Variants in LIMD1 observed in about 807,000 individuals in gnomAD.
LIMD1 encodes LIM domain-containing protein 1.
LIMD1 carries 23 observed loss-of-function variants against 58.4 expected under a neutral mutation model. The observed-to-expected ratio is 0.39, with a 90% confidence interval of 0.28 to 0.56. The LOEUF (loss-of-function observed/expected upper bound fraction) is 0.56. Ranked by LOEUF, LIMD1 falls within the 20% of genes least tolerant of loss-of-function variation. The probability of loss-of-function intolerance (pLI) is 0.57; values close to 1 mark genes in which losing one functional copy is unlikely to be tolerated. For missense variants in LIMD1, 838 were observed against 855.5 expected (o/e 0.98, Z 0.25); for synonymous variants, 334 against 345.5 (o/e 0.97, Z 0.37).
At position 45,637,570 on chromosome 3, in the gene LIMD1, C is replaced by T. The variant is rs528489877; in HGVS notation, c.1510+1319C>T. 3.3e-5 allele frequency among the ~76,000 whole-genome samples: 5 copies of T among 152,318 alleles called. No individual in the cohort carries two copies. The East Asian group carries it at 9.6e-4, about 29-fold the overall frequency. ...CTGGGATTACAGGCGTGAGCCACTG[C>T]GCCCGCCCAAGTGGGGCAAGTGTAT... is the stretch of plus-strand genomic sequence containing the variant. On this transcript the variant is annotated intron_variant, in intron 2 of 7. Transcript: ENST00000273317.
chr3:45,607,013 C>T (rs951964994), intron 1 of LIMD1, among the ~76,000 whole-genome samples: 1 of 152,108 alleles, frequency 6.6e-6, no homozygotes, highest in East Asian at 1.9e-4. Context: ...AGGCAGGTCT[C>T]GAACTCCTGA....
At chr3:45,655,598 G>A (rs1436252523) in intron 2 of LIMD1, among the ~76,000 whole-genome samples, 1 of 152,128 alleles carries the variant, frequency 6.6e-6, no homozygotes, top group Non-Finnish European at 1.5e-5. Flanking sequence ...CATCACTAGG[G>A]AACTTAACTA....
At chr3:45,602,237 T>C (rs187988823) in intron 1 of LIMD1, among the ~76,000 whole-genome samples, 512 of 152,286 alleles carry the variant, frequency 3.4e-3, no homozygotes, top group South Asian at 6.4e-3. Context: ...CGTGAGCCAC[T>C]GCGCCCGGCC....
At chr3:45,650,701 G>A (rs1179173126) in intron 2 of LIMD1, among the ~76,000 whole-genome samples, 1 of 152,070 alleles carries the variant, frequency 6.6e-6, no homozygotes, top group Non-Finnish European at 1.5e-5. Flanking sequence ...ATTCCGTGGT[G>A]TATATGTTCC....
At chr3:45,654,453 CT>C (rs1702005260) in intron 2 of LIMD1, among the ~76,000 whole-genome samples, 2 of 152,134 alleles carry the variant, frequency 1.3e-5, no homozygotes, top group Non-Finnish European at 2.9e-5. Context: ...GTCCTTAACT[CT>C]TGTTTCCTTT....
chr3:45,673,897 A>C (rs571616946), intron 6 of LIMD1: 3 of 258,772 alleles, frequency 1.2e-5, no homozygotes, highest in Admixed American at 9.7e-5. Flanking sequence ...AAAAAAAAAA[A>C]ACCAAAAAAA....
intron 1 of LIMD1, among the ~76,000 whole-genome samples, chr3:45,600,284 A>G (rs533930645): frequency 1.3e-5 from 2 of 152,252 alleles, no homozygotes; most frequent in East Asian, 1.9e-4. Context: ...GCCCCTTCCT[A>G]GGTTGAACTG....
rs983984788 is a variant in LIMD1, at chr3:45,625,248, G to A, written c.1409-10902G>A. ...AAGTTTCTACCCATTTAAACCATTTGAGAACCACTGTTGTGCACAGAGAAA... is the reference window on the plus strand; with the variant it reads ...AAGTTTCTACCCATTTAAACCATTTAAGAACCACTGTTGTGCACAGAGAAA... On this transcript the variant is annotated intron_variant, in intron 1 of 7. Coordinates refer to ENST00000273317, the MANE Select transcript of LIMD1 (RefSeq NM_014240.3). Among the ~76,000 whole-genome samples, 3 of 152,172 alleles carry A rather than the reference G, an allele frequency of 2.0e-5. No homozygotes were observed. In the South Asian group the frequency reaches 6.2e-4, roughly 32 times the overall value.
At chr3:45,649,563 C>T (rs966414853) in intron 2 of LIMD1, among the ~76,000 whole-genome samples, 4 of 150,776 alleles carry the variant, frequency 2.7e-5, no homozygotes, top group African/African-American at 9.7e-5. Flanking sequence ...TGCCTGTAGT[C>T]CCAGCTACTG....
At chr3:45,620,721 T>C (rs1701621187) in intron 1 of LIMD1, among the ~76,000 whole-genome samples, 1 of 150,068 alleles carries the variant, frequency 6.7e-6, no homozygotes, top group African/African-American at 2.4e-5. Context: ...AGAGCAAGAC[T>C]CTGTCTCAAA....
chr3:45,625,982 T>C (rs907566411), intron 1 of LIMD1, among the ~76,000 whole-genome samples: 1 of 152,206 alleles, frequency 6.6e-6, no homozygotes, highest in African/African-American at 2.4e-5. Flanking sequence ...TGAGGAGACA[T>C]ACACTGCTAA....
intron 1 of LIMD1, among the ~76,000 whole-genome samples, chr3:45,606,828 T>C (rs959945956): frequency 6.6e-6 from 1 of 152,214 alleles, no homozygotes; most frequent in Non-Finnish European, 1.5e-5. Context: ...AGAGTCTCGC[T>C]CTGTTGCCCA....
chr3:45,657,744 T>C (rs1697356513), intron 2 of LIMD1, among the ~76,000 whole-genome samples: 1 of 152,184 alleles, frequency 6.6e-6, no homozygotes, highest in African/African-American at 2.4e-5. Context: ...TTTCCTTACT[T>C]ATGAAATGAA....
At chr3:45,613,962 T>A (rs1346824752) in intron 1 of LIMD1, among the ~76,000 whole-genome samples, 1 of 152,210 alleles carries the variant, frequency 6.6e-6, no homozygotes, top group Non-Finnish European at 1.5e-5. Flanking sequence ...AGTGTGAAAG[T>A]TCCTCTGATT....
intron 1 of LIMD1, among the ~76,000 whole-genome samples, chr3:45,626,622 C>T (rs1297178891): frequency 6.6e-6 from 1 of 152,136 alleles, no homozygotes; most frequent in East Asian, 1.9e-4. Context: ...ATTTTTAGGG[C>T]AGTGAAATTA....
intron 2 of LIMD1, among the ~76,000 whole-genome samples, chr3:45,639,644 C>T (rs566434429): frequency 3.3e-5 from 5 of 152,196 alleles, no homozygotes; most frequent in South Asian, 4.1e-4. Context: ...CCCCTAATCC[C>T]GTCACCTTGG....
chr3:45,631,710 C>T (rs781103297), intron 1 of LIMD1, among the ~76,000 whole-genome samples: 34 of 151,936 alleles, frequency 2.2e-4, no homozygotes, highest in Non-Finnish European at 4.1e-4. Flanking sequence ...GAAGCCCTGC[C>T]GTTGAGAGAT....
At chr3:45,617,507 C>T (rs1041222207) in intron 1 of LIMD1, among the ~76,000 whole-genome samples, 6 of 152,218 alleles carry the variant, frequency 3.9e-5, no homozygotes, top group Admixed American at 6.5e-5. Flanking sequence ...ACGCCAGGCT[C>T]ATGACTGCAT....
chr3:45,610,982 C>G (rs1238080367), intron 1 of LIMD1, among the ~76,000 whole-genome samples: 1 of 152,154 alleles, frequency 6.6e-6, no homozygotes, highest in African/African-American at 2.4e-5. Context: ...TTTTTACTTC[C>G]TAAGTATGGA....
Sources: allele counts gnomAD v4.1 joint callset (sites outside exome capture counted in the v4.1 genomes callset), GRCh38; gene constraint gnomAD v4.1.1; transcripts MANE v1.5; gene names NCBI Gene and HGNC (gene_info 2026-07-23, HGNC 2026-07-21).